Variants in TNRC6C observed in about 807,000 individuals in gnomAD.
TNRC6C encodes the protein trinucleotide repeat containing adaptor 6C, also known as trinucleotide repeat-containing gene 6C protein.
Under a neutral mutation model 153.7 loss-of-function variants are expected in TNRC6C, and 20 were observed. The ratio of observed to expected loss-of-function variants is 0.13; its 90% CI spans 0.09 to 0.19. The LOEUF (loss-of-function observed/expected upper bound fraction) is 0.19, where lower values mean the gene tolerates loss of function less well. TNRC6C is among the 10% of genes least tolerant of loss of function. The pLI is 1.00. For synonymous variants in TNRC6C, 811 were observed against 841.4 expected, an observed-to-expected ratio of 0.96 and a Z score of 0.63; for missense variants, 1,987 against 2,172.0, an observed-to-expected ratio of 0.91 and a Z score of 1.69.
chr17:77,963,969 T>C (rs1598635138), intron 1 of TNRC6C, among the ~76,000 whole-genome samples: 1 of 152,198 alleles, frequency 6.6e-6, no homozygotes, highest in Non-Finnish European at 1.5e-5. Context: ...TTTGCCTCTT[T>C]GTTGCAATAC....
At chr17:78,021,812 T>C (rs2071837650) in intron 1 of TNRC6C, among the ~76,000 whole-genome samples, 1 of 152,182 alleles carries the variant, frequency 6.6e-6, no homozygotes, top group South Asian at 2.1e-4. Context: ...TCAGGTGATC[T>C]GCCTGCCTCG....
At chr17:78,080,820 A>G (rs574491855) in intron 10 of TNRC6C, among the ~76,000 whole-genome samples, 63 of 152,196 alleles carry the variant, frequency 4.1e-4, no homozygotes, top group Non-Finnish European at 6.3e-4. Flanking sequence ...TCCCCAAGAG[A>G]CCTCTGATAT....
At chr17:78,006,561 C>A (rs1428819443) in intron 1 of TNRC6C, among the ~76,000 whole-genome samples, 1 of 112,054 alleles carries the variant, frequency 8.9e-6, no homozygotes, top group Non-Finnish European at 1.8e-5. Context: ...TCTTCTTCTT[C>A]CTTCTTCCTT....
intron 13 of TNRC6C, 88 bp from the exon 16 acceptor site, chr17:78,091,352 G>A (rs1171873255): frequency 9.7e-6 from 13 of 1,337,190 alleles, no homozygotes; most frequent in Non-Finnish European, 6.8e-6. Context: ...TTTGCTGTAA[G>A]CGAAGACTGA....
At chr17:78,038,320 C>A (rs2072220838) in intron 2 of TNRC6C, among the ~76,000 whole-genome samples, 1 of 152,080 alleles carries the variant, frequency 6.6e-6, no homozygotes, top group Admixed American at 6.6e-5. Context: ...GAAGAATGGG[C>A]AAAGAATGTG....
chr17:78,098,417 C>T (rs1012212696), exon 17 of TNRC6C: 47 of 1,613,892 alleles, frequency 2.9e-5, no homozygotes, highest in Non-Finnish European at 3.9e-5. Context: ...GTCTCATGAA[C>T]TATGGAAGGT....
At chr17:78,094,792 T>C (rs1181597398) in intron 16 of TNRC6C, among the ~76,000 whole-genome samples, 1 of 152,262 alleles carries the variant, frequency 6.6e-6, no homozygotes, top group Non-Finnish European at 1.5e-5. Context: ...GTGGTTTGGC[T>C]GGAAAGCCAA....
Position 78,017,068 on chromosome 17 carries a change from G to T in TNRC6C, c.-546+11989G>T, listed in dbSNP as rs1347391578. Among the ~76,000 whole-genome samples, 3 of 152,314 alleles carry T rather than the reference G, an allele frequency of 2.0e-5. No individual in the cohort carries two copies. The East Asian group carries it at 5.8e-4, about 29-fold the overall frequency. ...TGATAAACCCCCAGTTCTGAATGGTGATGATCTTTGCTGGGGGAAGGTGGA... is the reference window on the plus strand; with the variant it reads ...TGATAAACCCCCAGTTCTGAATGGTTATGATCTTTGCTGGGGGAAGGTGGA... On this transcript the variant is annotated intron_variant, in intron 1 of 19. Coordinates refer to ENST00000301624, the Ensembl canonical transcript of TNRC6C.
chr17:77,993,069 G>A (rs567924958), intron 1 of TNRC6C, among the ~76,000 whole-genome samples: 4 of 152,180 alleles, frequency 2.6e-5, no homozygotes, highest in Admixed American at 1.3e-4. Flanking sequence ...GGGTTCAAGC[G>A]ATTCTCCTGC....
At chr17:78,040,211 C>T (rs1230977942) in intron 2 of TNRC6C, among the ~76,000 whole-genome samples, 2 of 152,158 alleles carry the variant, frequency 1.3e-5, no homozygotes, top group Non-Finnish European at 2.9e-5. Flanking sequence ...AGTATTAGTA[C>T]GTACAGTGAT....
intron 16 of TNRC6C, among the ~76,000 whole-genome samples, 161 bp from the exon 19 acceptor site, chr17:78,097,584 C>T (rs2073510165): frequency 6.6e-6 from 1 of 152,170 alleles, no homozygotes; most frequent in Non-Finnish European, 1.5e-5. Context: ...AGGAGGCATG[C>T]CCCGTTTCTT....
In TNRC6C at chr17:78,093,605, T is replaced by C. The variant is rs1378552302; in HGVS notation, c.4163-15T>C. The C allele has an allele frequency of 6.2e-7, 1 of 1,613,606 alleles. No individual in the cohort carries two copies. Among genetic ancestry groups the C allele is most frequent in the Non-Finnish European group, 8.5e-7 (1 of 1,179,718 alleles). On this transcript the variant is annotated splice_polypyrimidine_tract_variant and intron_variant, in intron 15 of 19. Transcript: ENST00000301624. ...TGTTCTGATCTGTGGCTTCTCATTT[T>C]GGTTTCTTAAACAGAATTCCATCCG...
Position 78,069,697 on chromosome 17 carries a change from T to C in TNRC6C, c.2779-1388T>C, listed in dbSNP as rs567962227. 4.9e-4 allele frequency among the ~76,000 whole-genome samples: 75 copies of C among 152,330 alleles called. 3 individuals are homozygous for C. The highest frequency in any genetic ancestry group is 1.8e-3 in the African/African-American group (73 of 41,566). On this transcript the variant is annotated intron_variant, in intron 5 of 19. Coordinates refer to ENST00000301624, the Ensembl canonical transcript of TNRC6C. ...CAAGTTAATTATGTCACTTCTACATTATACAGAACTAAAAGGAAATTCTAT... is the reference window on the plus strand; with the variant it reads ...CAAGTTAATTATGTCACTTCTACATCATACAGAACTAAAAGGAAATTCTAT...
intron 18 of TNRC6C, 152 bp downstream of exon 21, chr17:78,102,696 T>G (rs2073619446): frequency 4.3e-6 from 3 of 696,772 alleles, no homozygotes; most frequent in African/African-American, 3.7e-5. Flanking sequence ...GATGAGCAAG[T>G]GCCAGGATTG....
At chr17:78,040,217 G>A (rs910249550) in intron 2 of TNRC6C, among the ~76,000 whole-genome samples, 2 of 152,238 alleles carry the variant, frequency 1.3e-5, no homozygotes, top group African/African-American at 4.8e-5. Context: ...AGTACGTACA[G>A]TGATTTCCAG....
At chr17:78,106,302 A>G (rs2073693331) in exon 20 of TNRC6C, 1 of 151,970 alleles carries the variant, frequency 6.6e-6, no homozygotes, top group Non-Finnish European at 1.5e-5. Flanking sequence ...TTCAGAATGC[A>G]GATGCGTTCC....
At chr17:78,004,020 G>A, upstream of TNRC6C, 1 of 1,030,778 alleles carries the variant, frequency 9.7e-7, no homozygotes, top group Non-Finnish European at 1.2e-6. Flanking sequence ...AGTGCTGTTA[G>A]GGAAGTGTCC....
intron 1 of TNRC6C, among the ~76,000 whole-genome samples, chr17:77,980,044 C>G (rs903693221): frequency 8.5e-5 from 13 of 152,176 alleles, no homozygotes; most frequent in Admixed American, 8.5e-4. Context: ...ACCAGCAGAT[C>G]TACACTAGAG....
At chr17:78,016,746 A>AGAG (rs941537318) in intron 1 of TNRC6C, among the ~76,000 whole-genome samples, 1 of 152,074 alleles carries the variant, frequency 6.6e-6, no homozygotes, top group African/African-American at 2.4e-5. Flanking sequence ...ATTGCTTCTG[A>AGAG]GAGGAGGAGG....
Sources: allele counts gnomAD v4.1 joint callset (sites outside exome capture counted in the v4.1 genomes callset), GRCh38; gene constraint gnomAD v4.1.1; transcripts MANE v1.5; gene names NCBI Gene and HGNC (gene_info 2026-07-23, HGNC 2026-07-21).